The following KCND2 variants were observed in gnomAD, a reference collection of about 807,000 sequenced individuals.
KCND2 encodes potassium voltage-gated channel subfamily D member 2.
In KCND2, 16 loss-of-function variants were observed where a neutral mutation model predicts 54.4. That is an observed-to-expected ratio of 0.29 (90% CI 0.20 to 0.45). KCND2 has a LOEUF of 0.45. Ranked by LOEUF, KCND2 falls within the 20% of genes least tolerant of loss-of-function variation. The pLI is 1.00. For missense variants in KCND2, 486 were observed against 824.2 expected (o/e 0.59, Z 5.02); for synonymous variants, 317 against 310.7 (o/e 1.02, Z -0.21).
At chr7:120,288,546 T>C (rs1562997865) in intron 1 of KCND2, among the ~76,000 whole-genome samples, 2 of 152,174 alleles carry the variant, frequency 1.3e-5, no homozygotes, top group South Asian at 4.1e-4. Flanking sequence ...AATTGGCTTT[T>C]CATGGATGTT....
At chr7:120,284,426 T>C (rs1799310459) in intron 1 of KCND2, among the ~76,000 whole-genome samples, 1 of 152,164 alleles carries the variant, frequency 6.6e-6, no homozygotes, top group African/African-American at 2.4e-5. Context: ...CCATATTGTT[T>C]TAGATAGCAC....
intron 1 of KCND2, among the ~76,000 whole-genome samples, chr7:120,409,769 C>T (rs1801420501): frequency 6.6e-6 from 1 of 151,652 alleles, no homozygotes; most frequent in Admixed American, 6.6e-5. Flanking sequence ...ATGAGTTCTT[C>T]ATGTATTCTA....
chr7:120,592,753 T>A (rs908544257), intron 1 of KCND2, among the ~76,000 whole-genome samples: 1 of 152,192 alleles, frequency 6.6e-6, no homozygotes, highest in Non-Finnish European at 1.5e-5. Context: ...TTGTAAAGAC[T>A]AGTAAATATC....
intron 1 of KCND2, among the ~76,000 whole-genome samples, chr7:120,317,994 G>A (rs554331068): frequency 6.6e-6 from 1 of 152,170 alleles, no homozygotes; most frequent in Non-Finnish European, 1.5e-5. Flanking sequence ...TTAAGCACCT[G>A]CTGTGTATTT....
intron 1 of KCND2, among the ~76,000 whole-genome samples, chr7:120,526,609 A>G (rs1180830556): frequency 1.3e-5 from 2 of 152,172 alleles, no homozygotes; most frequent in Admixed American, 6.6e-5. Context: ...ATTTTTTAAC[A>G]TATTATGTTG....
chr7:120,480,981 G>A (rs1033196185), intron 1 of KCND2, among the ~76,000 whole-genome samples: 19 of 152,266 alleles, frequency 1.2e-4, no homozygotes, highest in South Asian at 2.1e-4. Flanking sequence ...CATCAAGTAT[G>A]CTTCTGTTGA....
rs545362876 is a variant in KCND2 at position 120,454,471 on chromosome 7, T to A, written c.1115+178724T>A. Among the ~76,000 whole-genome samples the A allele has an allele frequency of 2.6e-5, 4 of 152,226 alleles. No homozygotes were observed. The South Asian group carries it at 8.3e-4, about 32-fold the overall frequency. On this transcript the variant is annotated intron_variant, in intron 1 of 5. Coordinates refer to ENST00000331113, the MANE Select transcript of KCND2 (RefSeq NM_012281.3). ...TACCTAGAGGAAACGGATAAACATC[T>A]AAAAATATGCAACCTCTCAAGATTC... is the stretch of plus-strand genomic sequence containing the variant.
At chr7:120,419,054 CTCTG>C (rs150512754) in intron 1 of KCND2, among the ~76,000 whole-genome samples, 3,830 of 152,204 alleles carry the variant, frequency 0.025, 68 homozygotes, top group Admixed American at 0.038. Flanking sequence ...CACTGAATCT[CTCTG>C]TCTTTTAAAA....
intron 1 of KCND2, among the ~76,000 whole-genome samples, chr7:120,353,251 C>G (rs2116388200): frequency 7.0e-6 from 1 of 142,178 alleles, no homozygotes; most frequent in South Asian, 2.3e-4. Flanking sequence ...CTGTGTGAAA[C>G]AGAGCCTTCG....
intron 1 of KCND2, among the ~76,000 whole-genome samples, chr7:120,339,986 G>C (rs754600446): frequency 6.6e-6 from 1 of 152,188 alleles, no homozygotes; most frequent in Non-Finnish European, 1.5e-5. Context: ...AAAGGTAAGT[G>C]AATGAGGGAG....
chr7:120,275,504 C>T lies in KCND2; in HGVS notation c.872C>T (p.Thr291Ile). Residue 291 changes from threonine (T) to isoleucine (I), a missense_variant, in exon 1 of 6, where the codon ACA becomes ATA. Thr to Ile is a moderately conservative substitution (Grantham distance 89). Transcript: ENST00000331113. Reference protein sequence around the residue: ...DNEDVSGAFVTLRVFRVFRIF... With the variant: ...DNEDVSGAFVILRVFRVFRIF... ...GAGGACGTCAGCGGAGCCTTTGTCACACTCCGAGTCTTCCGGGTCTTCAGG... is the reference window on the plus strand; with the variant it reads ...GAGGACGTCAGCGGAGCCTTTGTCATACTCCGAGTCTTCCGGGTCTTCAGG... 8 of 1,612,544 alleles carry T rather than the reference C, an allele frequency of 5.0e-6. No homozygotes were observed. Among genetic ancestry groups the T allele is most frequent in the Non-Finnish European group, 6.8e-6 (8 of 1,179,020 alleles).
chr7:120,620,457 G>A (rs2116499410), intron 1 of KCND2, among the ~76,000 whole-genome samples: 1 of 152,154 alleles, frequency 6.6e-6, no homozygotes, highest in Admixed American at 6.5e-5. Flanking sequence ...AAATAAATAT[G>A]GTAAAAGCAT....
chr7:120,388,409 T>C (rs1349755484), intron 1 of KCND2, among the ~76,000 whole-genome samples: 1 of 152,068 alleles, frequency 6.6e-6, no homozygotes, highest in African/African-American at 2.4e-5. Flanking sequence ...TTGTACAAAG[T>C]AGATGCCAAC....
chr7:120,487,189 C>A (rs1023908053), intron 1 of KCND2, among the ~76,000 whole-genome samples: 1 of 151,994 alleles, frequency 6.6e-6, no homozygotes, highest in African/African-American at 2.4e-5. Context: ...CCAAATAGAT[C>A]TACTGCTCTT....
At chr7:120,712,175 C>T (rs10266111) in intron 1 of KCND2, among the ~76,000 whole-genome samples, 1 of 107,616 alleles carries the variant, frequency 9.3e-6, no homozygotes, top group African/African-American at 3.5e-5. Flanking sequence ...TTACATGTAT[C>T]TGAAGAGTCT....
intron 1 of KCND2, among the ~76,000 whole-genome samples, chr7:120,587,302 G>A (rs1007637608): frequency 6.6e-6 from 1 of 152,178 alleles, no homozygotes; most frequent in East Asian, 1.9e-4. Context: ...TTGAGCTGGA[G>A]TTTCCAGAAG....
chr7:120,589,197 A>G (rs1792639635), intron 1 of KCND2, among the ~76,000 whole-genome samples: 1 of 152,224 alleles, frequency 6.6e-6, no homozygotes, highest in African/African-American at 2.4e-5. Context: ...GGAATAATAG[A>G]ATTATAAGTG....
At chr7:120,611,795 C>A (rs1792959101) in intron 1 of KCND2, among the ~76,000 whole-genome samples, 1 of 152,230 alleles carries the variant, frequency 6.6e-6, no homozygotes, top group South Asian at 2.1e-4. Context: ...GTTACAAAAC[C>A]CTGGAGTCAT....
chr7:120,667,441 A>G (rs1791941077), intron 1 of KCND2, among the ~76,000 whole-genome samples: 1 of 151,994 alleles, frequency 6.6e-6, no homozygotes, highest in African/African-American at 2.4e-5. Context: ...ATCTCCAATA[A>G]CTACAGTAAT....
Sources: allele counts gnomAD v4.1 joint callset (sites outside exome capture counted in the v4.1 genomes callset), GRCh38; gene constraint gnomAD v4.1.1; transcripts MANE v1.5; gene names NCBI Gene and HGNC (gene_info 2026-07-23, HGNC 2026-07-21).